Variants in CDH23 observed in about 807,000 individuals in gnomAD.
CDH23 encodes the protein cadherin-23.
Under a neutral mutation model 317.1 loss-of-function variants are expected in CDH23, and 189 were observed. The observed-to-expected ratio is 0.60, with a 90% confidence interval of 0.53 to 0.67. The LOEUF is 0.67. CDH23 is among the 30% of genes least tolerant of loss of function. The probability of loss-of-function intolerance (pLI) is 0.00; values close to 1 mark genes in which losing one functional copy is unlikely to be tolerated. For missense variants in CDH23, 4,401 were observed against 4,592.4 expected, an observed-to-expected ratio of 0.96 and a Z score of 1.20; for synonymous variants, 1,839 against 1,876.8, an observed-to-expected ratio of 0.98 and a Z score of 0.52.
At chr10:71,707,271 C>T in intron 26 of CDH23, 1 of 1,440,514 alleles carries the variant, frequency 6.9e-7, no homozygotes, top group East Asian at 2.5e-5. Context: ...CTGGGGACCT[C>T]CTGAACCTGT....
intron 3 of CDH23, among the ~76,000 whole-genome samples, chr10:71,477,042 C>T (rs1340268206): frequency 6.6e-6 from 1 of 152,208 alleles, no homozygotes; most frequent in African/African-American, 2.4e-5. Flanking sequence ...CTCCATCTTC[C>T]TCCTTGGCCT....
chr10:71,439,945 G>C (rs766233412), intron 2 of CDH23, 47 bp downstream of exon 2: 3 of 1,456,668 alleles, frequency 2.1e-6, no homozygotes, highest in Non-Finnish European at 2.8e-6. Flanking sequence ...GCCTCTGCAC[G>C]GGAGGCCAGG....
At chr10:71,526,244 C>T (rs552746664) in intron 6 of CDH23, among the ~76,000 whole-genome samples, 1 of 152,326 alleles carries the variant, frequency 6.6e-6, no homozygotes, top group Non-Finnish European at 1.5e-5. Flanking sequence ...AAATGAGCTT[C>T]AGATGAGCCT....
chr10:71,600,749 C>G (rs1589251664), intron 9 of CDH23, among the ~76,000 whole-genome samples: 1 of 152,032 alleles, frequency 6.6e-6, no homozygotes, highest in Non-Finnish European at 1.5e-5. Flanking sequence ...ATCTCCTGAC[C>G]TTGTGATCCA....
intron 14 of CDH23, among the ~76,000 whole-genome samples, chr10:71,667,253 G>T (rs1386468894): frequency 2.6e-5 from 4 of 152,204 alleles, no homozygotes; most frequent in Non-Finnish European, 5.9e-5. Flanking sequence ...GGTCTGCAGG[G>T]ACAGACACCC....
At position 71,800,682 on chromosome 10, in the gene CDH23, A is replaced by C. The variant is rs1389867654; in HGVS notation, c.7409A>C (p.His2470Pro). 5.0e-6 allele frequency: 8 copies of C among 1,614,000 alleles called. No homozygotes were observed. Among genetic ancestry groups the C allele is most frequent in the South Asian group, 1.1e-5 (1 of 91,086 alleles). ...LSSLDREKKD[H>P]YILTALAKDN... is the part of the protein sequence containing the mutation. ...TCTCTGGACCGGGAGAAGAAGGACC[A>C]CTATATCCTGACTGCCTTGGCCAAA... Residue 2470 changes from histidine to proline, a missense_variant, in exon 53 of 70, where the codon CAC becomes CCC. By Grantham distance (77) the His-to-Pro change is moderately conservative. Transcript: ENST00000224721.
intron 6 of CDH23, among the ~76,000 whole-genome samples, chr10:71,531,554 CTGCTCTG>C (rs1323414517): frequency 6.6e-6 from 1 of 152,184 alleles, no homozygotes; most frequent in Non-Finnish European, 1.5e-5. Flanking sequence ...ACTAGAGTGA[CTGCTCTG>C]TGCTCATTAG....
At chr10:71,753,120 A>G (rs1840048106) in intron 38 of CDH23, 3 of 1,168,534 alleles carry the variant, frequency 2.6e-6, no homozygotes, top group Non-Finnish European at 3.6e-6. Flanking sequence ...AGGGCCCTGC[A>G]CAGCTCCGGA....
intron 22 of CDH23, 46 bp downstream of exon 22, chr10:71,695,571 G>T: frequency 7.3e-7 from 1 of 1,370,174 alleles, no homozygotes; most frequent in Non-Finnish European, 1.0e-6. Flanking sequence ...CCCTTCCCAG[G>T]GGTCTGTGCC....
At chr10:71,538,703 C>G (rs1255097546) in intron 6 of CDH23, among the ~76,000 whole-genome samples, 3 of 152,190 alleles carry the variant, frequency 2.0e-5, no homozygotes, top group African/African-American at 7.2e-5. Flanking sequence ...GCAACAAACT[C>G]GCAGGAGTTT....
chr10:71,689,589 G>C (rs1394514136), intron 19 of CDH23, among the ~76,000 whole-genome samples: 1 of 152,208 alleles, frequency 6.6e-6, no homozygotes, highest in Non-Finnish European at 1.5e-5. Flanking sequence ...TGCCCCTCGG[G>C]ACTGCTGATT....
intron 38 of CDH23, among the ~76,000 whole-genome samples, chr10:71,776,234 T>C (rs1445329888): frequency 6.6e-6 from 1 of 152,146 alleles, no homozygotes; most frequent in African/African-American, 2.4e-5. Context: ...GATCCAGAGC[T>C]GCATATCAGA....
intron 11 of CDH23, among the ~76,000 whole-genome samples, chr10:71,622,532 GTGGC>G (rs1211343331): frequency 1.3e-5 from 2 of 152,154 alleles, no homozygotes; most frequent in African/African-American, 4.8e-5. Context: ...CGGAGGCAGG[GTGGC>G]TCGGAGACCA....
intron 37 of CDH23, among the ~76,000 whole-genome samples, chr10:71,741,437 A>G (rs904241232): frequency 6.6e-6 from 1 of 152,196 alleles, no homozygotes; most frequent in African/African-American, 2.4e-5. Context: ...TCTCTTCTGT[A>G]AATGAGGATG....
At chr10:71,481,753 A>G (rs1852078068) in intron 3 of CDH23, among the ~76,000 whole-genome samples, 1 of 152,216 alleles carries the variant, frequency 6.6e-6, no homozygotes, top group African/African-American at 2.4e-5. Flanking sequence ...CCAAGCTCCC[A>G]ACATCTGGGG....
chr10:71,509,099 A>G (rs1050719814), intron 3 of CDH23, among the ~76,000 whole-genome samples: 2 of 152,160 alleles, frequency 1.3e-5, no homozygotes, highest in Non-Finnish European at 2.9e-5. Flanking sequence ...CTGGTAAGGG[A>G]TGACACCTGC....
chr10:71,445,847 C>CAAAA lies in CDH23; in HGVS notation c.68-452_68-449dup, dbSNP rs34460284. 4.6e-3 allele frequency among the ~76,000 whole-genome samples: 419 copies of CAAAA among 91,924 alleles called. 13 individuals carry two copies. The highest frequency in any genetic ancestry group is 0.015 in the African/African-American group (338 of 23,248). 60.3% of individuals were successfully genotyped at this position (91,924 alleles called of 152,430 possible). A position where few individuals can be genotyped will look rare whatever the true frequency, so the allele number is the denominator to read the frequency against. Reference sequence around the variant, plus strand: ...TGGGTGACAGAGTGAGACTCTGTCTCAAAAAAAAAAAAAAAAAAAAAATCG... The same window carrying CAAAA: ...TGGGTGACAGAGTGAGACTCTGTCTCAAAAAAAAAAAAAAAAAAAAAAAAAATCG... On this transcript the variant is annotated intron_variant, in intron 2 of 69. Coordinates refer to ENST00000224721, the MANE Select transcript of CDH23 (RefSeq NM_022124.6).
At chr10:71,562,621 T>C (rs1857191487) in intron 6 of CDH23, among the ~76,000 whole-genome samples, 1 of 152,160 alleles carries the variant, frequency 6.6e-6, no homozygotes, top group African/African-American at 2.4e-5. Context: ...AGCAAGGAGC[T>C]GAGACCCATG....
At chr10:71,543,255 A>G (rs1242459423) in intron 6 of CDH23, among the ~76,000 whole-genome samples, 1 of 152,182 alleles carries the variant, frequency 6.6e-6, no homozygotes, top group Non-Finnish European at 1.5e-5. Context: ...GCAGCCCAGT[A>G]TGGTCCAGAA....
Sources: allele counts gnomAD v4.1 joint callset (sites outside exome capture counted in the v4.1 genomes callset), GRCh38; gene constraint gnomAD v4.1.1; transcripts MANE v1.5; gene names NCBI Gene and HGNC (gene_info 2026-07-23, HGNC 2026-07-21).